ITPR3: variants seen among roughly 807,000 people sequenced by gnomAD.
The protein encoded by ITPR3 is inositol 1,4,5-trisphosphate-gated calcium channel ITPR3.
A neutral mutation model predicts 293.2 loss-of-function variants in ITPR3; 173 were observed. That is an observed-to-expected ratio of 0.59 (90% CI 0.52 to 0.67). ITPR3 has a LOEUF of 0.67. Among genes scored for constraint, ITPR3 ranks in the 30% least tolerant of loss-of-function variants. ITPR3 has a pLI of 0.00. For missense variants in ITPR3, 2,796 were observed against 3,592.1 expected (o/e 0.78, Z 5.66); for synonymous variants, 1,295 against 1,444.4 (o/e 0.90, Z 2.35).
In ITPR3 at chr6:33,691,856, C is replaced by T. The variant is rs765314197; in HGVS notation, c.7386C>T (p.Ile2462=). 20 of 1,613,958 alleles carry T rather than the reference C, an allele frequency of 1.2e-5. No individual in the cohort carries two copies. The Admixed American group carries it at 1.3e-4, about 11-fold the overall frequency. ...ERACDTLLMC[I]VTVMNHGLRN... ...CCTGTGACACTCTGTTGATGTGCAT[C>T]GTCACTGTCATGAACCATGGGCTAC... Residue 2462 remains isoleucine, a synonymous_variant, in exon 54 of 58, where the codon ATC becomes ATT. Coordinates refer to ENST00000605930, the MANE Select transcript of ITPR3 (RefSeq NM_002224.4). The surrounding 1 kb of genome is among the most constrained non-coding windows in gnomAD (Gnocchi z 4.9).
intron 17 of ITPR3, among the ~76,000 whole-genome samples, 161 bp downstream of exon 17, chr6:33,668,795 G>C (rs921471942): frequency 1.5e-4 from 23 of 152,198 alleles, no homozygotes; most frequent in African/African-American, 5.5e-4. Flanking sequence ...GCCTGGCACT[G>C]TGGGGGAGTG....
In ITPR3 at chr6:33,683,323, A is replaced by G. The variant is rs1437127374; in HGVS notation, c.4714A>G (p.Thr1572Ala). ...AQRNASSYKA[T>A]TRAFPRVTPT... Reference sequence around the variant, plus strand: ...GCGGAACGCCTCCAGCTACAAGGCAACCACGCGGGCCTTCCCCCGCGTCAC... The same window carrying G: ...GCGGAACGCCTCCAGCTACAAGGCAGCCACGCGGGCCTTCCCCCGCGTCAC... Residue 1572 changes from threonine to alanine, a missense_variant, in exon 35 of 58, where the codon ACC becomes GCC. Physicochemically the swap from Thr to Ala is moderately conservative, Grantham distance 58. This residue lies in a region of ITPR3 where 704 missense variants were observed against 797.5 expected (regional missense o/e 0.88). Transcript: ENST00000605930. The surrounding 1 kb of genome is among the most constrained non-coding windows in gnomAD (Gnocchi z 4.5). The G allele has an allele frequency of 5.0e-6, 8 of 1,593,306 alleles. No homozygotes were observed. In the Admixed American group the frequency reaches 1.2e-4, roughly 25 times the overall value.
At chr6:33,674,469 G>T (rs143336146) in intron 24 of ITPR3, among the ~76,000 whole-genome samples, 1 of 152,304 alleles carries the variant, frequency 6.6e-6, no homozygotes, top group East Asian at 1.9e-4. Flanking sequence ...CAGTCATCCC[G>T]TCATTCTTCC....
rs1323312557 is a variant in ITPR3 at position 33,655,578 on chromosome 6, T to C, written c.161-188T>C. On this transcript the variant is annotated intron_variant, in intron 2 of 57. Coordinates refer to ENST00000605930, the MANE Select transcript of ITPR3 (RefSeq NM_002224.4). This position sits in a 1 kb window ranked among gnomAD's most constrained non-coding sequence, Gnocchi z 4.9. ...CAAACCTGCCTCTGAGCCTCCCCAT[T>C]CTACTCAGCATATTCCAGGATGCTC... Among the ~76,000 whole-genome samples the C allele has an allele frequency of 2.6e-5, 4 of 152,054 alleles. No individual in the cohort carries two copies. Among genetic ancestry groups the C allele is most frequent in the Non-Finnish European group, 5.9e-5 (4 of 68,000 alleles).
Position 33,686,536 on chromosome 6 carries a change from G to C in ITPR3, c.5979+17G>C, listed in dbSNP as rs1561880386. 1 of 1,584,486 alleles carries C rather than the reference G, an allele frequency of 6.3e-7. No individual in the cohort carries two copies. Among genetic ancestry groups the C allele is most frequent in the East Asian group, 2.2e-5 (1 of 44,770 alleles). ...CAGCTCAAGGTGGGGCCCAGTGGCA[G>C]GTGTGTGAGTGCTGGGTGTGCATGT... is the stretch of plus-strand genomic sequence containing the variant. On this transcript the variant is annotated intron_variant, in intron 43 of 57. Transcript: ENST00000605930.
intron 1 of ITPR3, among the ~76,000 whole-genome samples, chr6:33,629,067 C>T (rs1763612917): frequency 6.6e-6 from 1 of 152,202 alleles, no homozygotes; most frequent in South Asian, 2.1e-4. Context: ...TTTACCTATG[C>T]TCTCACAGCC....
In ITPR3 at chr6:33,678,783, G is replaced by A. The variant is rs750261599; in HGVS notation, c.3916G>A (p.Val1306Ile). Residue 1306 changes from valine to isoleucine, a missense_variant, in exon 30 of 58, where the codon GTC (valine) becomes ATC (isoleucine). Val to Ile is a conservative substitution (Grantham distance 29). Around this residue, in one of 8 missense-constraint regions of ITPR3, gnomAD observed 344 missense variants for 460.3 expected, o/e 0.75. Transcript: ENST00000605930. ...HVQYLDFLHTVIKAEGKYVKK... is the reference protein window; with the variant it reads ...HVQYLDFLHTIIKAEGKYVKK... Reference sequence around the variant, plus strand: ...GCAGTACCTGGACTTCCTGCACACCGTCATTAAGGCCGAGGGCAAGTACGT... The same window carrying A: ...GCAGTACCTGGACTTCCTGCACACCATCATTAAGGCCGAGGGCAAGTACGT... 1.5e-5 allele frequency: 25 copies of A among 1,613,546 alleles called. No individual in the cohort carries two copies. The South Asian group carries it at 1.9e-4, about 12-fold the overall frequency.
chr6:33,663,135 C>T (rs1294190316), intron 9 of ITPR3, 129 bp downstream of exon 9: 1 of 721,000 alleles, frequency 1.4e-6, no homozygotes, highest in South Asian at 1.8e-5. Context: ...TGCACTCATG[C>T]ATTTATCCAA....
Position 33,659,136 on chromosome 6 carries a change from T to C in ITPR3, c.627+17T>C. The C allele has an allele frequency of 6.3e-7, 1 of 1,598,216 alleles. No individual in the cohort carries two copies. Among genetic ancestry groups the C allele is most frequent in the Non-Finnish European group, 8.6e-7 (1 of 1,166,422 alleles). On this transcript the variant is annotated intron_variant, in intron 6 of 57. Coordinates refer to ENST00000605930, the MANE Select transcript of ITPR3 (RefSeq NM_002224.4). ...TGCAAGGAGGTGAGGGGGTGGGGGG[T>C]CAGCCATGCAGTGCAGGGACGTCCA...
intron 7 of ITPR3, among the ~76,000 whole-genome samples, chr6:33,661,992 GAAAAAA>G (rs55958712): frequency 0.049 from 2,327 of 47,152 alleles, 102 homozygotes; most frequent in African/African-American, 0.12. Flanking sequence ...GACTGTCTCT[GAAAAAA>G]AAAAAAAAAA....
Position 33,685,644 on chromosome 6 carries a change from C to A in ITPR3, c.5484C>A (p.Gly1828=). 6.3e-7 allele frequency: 1 copy of A among 1,582,722 alleles called. No homozygotes were observed. Residue 1828 remains glycine (G), a splice_region_variant and synonymous_variant, in exon 41 of 58, where the codon GGC becomes GGA. Transcript: ENST00000605930. ...AGCCTCACCAGGTCTCGCCCACAGG[C>A]CGCGTGGCCTCCTTCTCGATACCTG... ...DREPVDPTTK[G]RVASFSIPGS...
rs756494812 is a variant in ITPR3 at position 33,655,760 on chromosome 6, CCA to C, written c.161-3_161-2del. 6.2e-7 allele frequency: 1 copy of C among 1,614,044 alleles called. No individual in the cohort carries two copies. Among genetic ancestry groups the C allele is most frequent in the African/African-American group, 1.3e-5 (1 of 75,028 alleles). On this transcript the variant is annotated splice_polypyrimidine_tract_variant and splice_region_variant and intron_variant, in intron 2 of 57. Transcript: ENST00000605930. The surrounding 1 kb of genome is among the most constrained non-coding windows in gnomAD (Gnocchi z 4.9). ...TTCCCCTCACCCCCAACCTGCCCCA[CCA>C]CAGACTGCCTCTTCAAGGTGTGCCC...
chr6:33,636,710 G>A (rs904037790), intron 1 of ITPR3, among the ~76,000 whole-genome samples: 7 of 152,060 alleles, frequency 4.6e-5, no homozygotes, highest in African/African-American at 1.4e-4. Context: ...CACCCAAGCA[G>A]AGATGCCGAG....
In ITPR3 at chr6:33,678,808, T is replaced by A; in HGVS notation, c.3941T>A (p.Val1314Asp). 6.2e-7 allele frequency: 1 copy of A among 1,613,064 alleles called. No individual in the cohort carries two copies. Among genetic ancestry groups the A allele is most frequent in the East Asian group, 2.2e-5 (1 of 44,842 alleles). Residue 1314 changes from valine (V) to aspartate (D), a missense_variant, in exon 30 of 58, where the codon GTC becomes GAC. By Grantham distance (152) the Val-to-Asp change is radical (BLOSUM62 -3). Transcript: ENST00000605930. ...HTVIKAEGKY[V>D]KKCQDMIMTE... The stretch of plus-strand genomic sequence containing the variant: ...GTCATTAAGGCCGAGGGCAAGTACG[T>A]CAAGAAGTGCCAGGACATGATCATG...
intron 21 of ITPR3, among the ~76,000 whole-genome samples, chr6:33,671,774 C>T (rs988378311): frequency 6.6e-6 from 1 of 152,130 alleles, no homozygotes; most frequent in East Asian, 1.9e-4. Flanking sequence ...CTCATGGTTT[C>T]CTACAGAAAA....
chr6:33,672,079 A>T lies in ITPR3; in HGVS notation c.2779A>T (p.Met927Leu), dbSNP rs771378382. 1.2e-5 allele frequency: 19 copies of T among 1,613,590 alleles called. No homozygotes were observed. Among genetic ancestry groups the T allele is most frequent in the Non-Finnish European group, 1.6e-5 (19 of 1,179,754 alleles). The change falls in exon 22 of 58, where the codon ATG becomes TTG. Residue 927 changes from methionine (M) to leucine (L), a missense_variant. Transcript: ENST00000605930. This position sits in a 1 kb window ranked among gnomAD's most constrained non-coding sequence, Gnocchi z 5.0. ...GGGCGTGGGGCACATGATGTCCACC[A>T]TGGTGCTGAGCCGCAAGCAGTCCGT... ...IQGVGHMMST[M>L]VLSRKQSVFS... is the part of the protein sequence containing the mutation.
intron 1 of ITPR3, among the ~76,000 whole-genome samples, chr6:33,630,682 G>C (rs1763655259): frequency 6.6e-6 from 1 of 152,200 alleles, no homozygotes; most frequent in Admixed American, 6.5e-5. Context: ...TGGCACACTG[G>C]CCCCGACCTT....
chr6:33,677,052 G>A lies in ITPR3; in HGVS notation c.3485G>A (p.Gly1162Glu). The A allele has an allele frequency of 6.2e-7, 1 of 1,614,210 alleles. No individual in the cohort carries two copies. The highest frequency in any genetic ancestry group is 1.1e-5 in the South Asian group (1 of 91,080). ...TDEEGFLHPP[G>E]EKSSENYQIV... ...GAGGAGGGCTTTCTGCACCCACCAG[G>A]GGAGAAAAGCAGTGAGAACTACCAG... The change falls in exon 27 of 58, where the codon GGG becomes GAG. Residue 1162 changes from glycine to glutamate, a missense_variant. Transcript: ENST00000605930.
In ITPR3 at chr6:33,672,647, G is replaced by A. The variant is rs1257335819; in HGVS notation, c.2928+419G>A. The stretch of plus-strand genomic sequence containing the variant: ...TACTGAGTCAGGAACACTGGAGAGG[G>A]GCCCTGTGGGCTGTGTTGTGACAAA... On this transcript the variant is annotated intron_variant, in intron 22 of 57. Coordinates refer to ENST00000605930, the MANE Select transcript of ITPR3 (RefSeq NM_002224.4). The surrounding 1 kb of genome is among the most constrained non-coding windows in gnomAD (Gnocchi z 5.0). Among the ~76,000 whole-genome samples, 2 of 152,158 alleles carry A rather than the reference G, an allele frequency of 1.3e-5. No homozygotes were observed. The highest frequency in any genetic ancestry group is 2.9e-5 in the Non-Finnish European group (2 of 68,030).
Sources: allele counts gnomAD v4.1 joint callset (sites outside exome capture counted in the v4.1 genomes callset), GRCh38; gene constraint gnomAD v4.1.1; regional missense constraint gnomAD v4.1.1; non-coding constraint Gnocchi (gnomAD v3.1); transcripts MANE v1.5; gene names NCBI Gene and HGNC (gene_info 2026-07-23, HGNC 2026-07-21).